Variants in ERC2 observed in about 807,000 individuals in gnomAD.
ERC2 encodes ERC protein 2.
Under a neutral mutation model 114.8 loss-of-function variants are expected in ERC2, and 42 were observed. That is an observed-to-expected ratio of 0.37 (90% confidence interval 0.29 to 0.47). The LOEUF (loss-of-function observed/expected upper bound fraction) is 0.47, where lower values mean the gene tolerates loss of function less well. Among genes scored for constraint, ERC2 ranks in the 20% least tolerant of loss-of-function variants. The pLI is 0.99. For missense variants in ERC2, 939 were observed against 1,150.7 expected (o/e 0.82, Z 2.66); for synonymous variants, 454 against 425.5 (o/e 1.07, Z -0.82).
At chr3:56,359,884 T>G (rs746996321) in intron 2 of ERC2, among the ~76,000 whole-genome samples, 1 of 152,020 alleles carries the variant, frequency 6.6e-6, no homozygotes, top group African/African-American at 2.4e-5. Context: ...CTCATTACTG[T>G]GAGGACAGCA....
intron 4 of ERC2, among the ~76,000 whole-genome samples, chr3:56,153,128 A>G (rs1310344848): frequency 6.6e-6 from 1 of 152,188 alleles, no homozygotes; most frequent in East Asian, 1.9e-4. Flanking sequence ...ATAGATTAAT[A>G]GTAAACTTAG....
At chr3:56,054,279 G>A (rs1431016289) in intron 7 of ERC2, among the ~76,000 whole-genome samples, 1 of 152,150 alleles carries the variant, frequency 6.6e-6, no homozygotes, top group African/African-American at 2.4e-5. Context: ...TGATGAATCT[G>A]CTTTGAATTG....
chr3:55,824,763 C>T (rs2060263024), intron 14 of ERC2, among the ~76,000 whole-genome samples: 1 of 152,138 alleles, frequency 6.6e-6, no homozygotes, highest in Non-Finnish European at 1.5e-5. Context: ...GCCTATATGT[C>T]ACTCAGATGC....
At chr3:55,952,025 G>T (rs2067555116) in intron 12 of ERC2, among the ~76,000 whole-genome samples, 3 of 151,122 alleles carry the variant, frequency 2.0e-5, no homozygotes, top group Non-Finnish European at 2.9e-5. Flanking sequence ...CAGTCCGAGG[G>T]TGCAGCGGCT....
intron 2 of ERC2, among the ~76,000 whole-genome samples, chr3:56,346,918 G>A (rs547552527): frequency 2.0e-4 from 31 of 152,206 alleles, no homozygotes; most frequent in African/African-American, 6.5e-4. Flanking sequence ...TTTTATAATC[G>A]GCATTAATCC....
intron 6 of ERC2, among the ~76,000 whole-genome samples, chr3:56,127,471 T>TAATCC (rs770724379): frequency 6.6e-6 from 1 of 152,186 alleles, no homozygotes; most frequent in Non-Finnish European, 1.5e-5. Context: ...CTCACACCTG[T>TAATCC]AATCCCAGCA....
At chr3:55,670,012 G>C (rs1388279737) in intron 17 of ERC2, among the ~76,000 whole-genome samples, 2 of 152,174 alleles carry the variant, frequency 1.3e-5, no homozygotes, top group Non-Finnish European at 2.9e-5. Flanking sequence ...AAACAACAAG[G>C]CTAGTATTTA....
chr3:55,695,272 C>A (rs183457242), intron 16 of ERC2, among the ~76,000 whole-genome samples: 11 of 152,342 alleles, frequency 7.2e-5, no homozygotes, highest in Admixed American at 6.5e-4. Flanking sequence ...CAGCTTGTGT[C>A]ATGGGAAATA....
chr3:56,262,531 T>C (rs938955191), intron 3 of ERC2, among the ~76,000 whole-genome samples: 3 of 152,218 alleles, frequency 2.0e-5, no homozygotes, highest in African/African-American at 7.2e-5. Context: ...AAGACAGTAG[T>C]GTAAAGGCCA....
intron 14 of ERC2, among the ~76,000 whole-genome samples, chr3:55,750,827 G>A (rs368232648): frequency 3.3e-5 from 5 of 152,206 alleles, no homozygotes; most frequent in Admixed American, 1.3e-4. Context: ...ACGCATGCCC[G>A]CATGCACACA....
In ERC2 at chr3:55,865,549, C is replaced by T. The variant is rs145618782; in HGVS notation, c.2564+22840G>A. ...TTCACAGAATTGTGAAAACATCACC[C>T]ACAATCAAATTTTAGGAATTTTTTT... is the stretch of plus-strand genomic sequence containing the variant. On this transcript the variant is annotated intron_variant, in intron 14 of 17. Transcript: ENST00000288221. Among the ~76,000 whole-genome samples, 44 of 152,180 alleles carry T rather than the reference C, an allele frequency of 2.9e-4. No homozygotes were observed. In the East Asian group the frequency reaches 8.1e-3, roughly 28 times the overall value.
At chr3:55,918,165 T>C (rs1395970492) in intron 13 of ERC2, among the ~76,000 whole-genome samples, 1 of 152,120 alleles carries the variant, frequency 6.6e-6, no homozygotes, top group East Asian at 1.9e-4. Context: ...GATAAGTTAC[T>C]TTCATTGACC....
chr3:55,908,704 C>T (rs1396063729), intron 13 of ERC2, among the ~76,000 whole-genome samples: 2 of 152,160 alleles, frequency 1.3e-5, no homozygotes, highest in African/African-American at 4.8e-5. Flanking sequence ...GCTTTAAGCC[C>T]TCTTCTAGCC....
intron 14 of ERC2, among the ~76,000 whole-genome samples, chr3:55,753,506 C>G (rs1011165947): frequency 3.5e-4 from 54 of 152,164 alleles, no homozygotes; most frequent in African/African-American, 1.3e-3. Flanking sequence ...AAAGCTGTGG[C>G]CCCCTGGGAC....
chr3:55,893,038 T>C (rs970506171), intron 13 of ERC2, among the ~76,000 whole-genome samples: 1 of 152,152 alleles, frequency 6.6e-6, no homozygotes, highest in South Asian at 2.1e-4. Flanking sequence ...ATGGAGTCTG[T>C]ATGTCCCCTT....
intron 2 of ERC2, among the ~76,000 whole-genome samples, chr3:56,331,331 T>G (rs751364609): frequency 6.6e-6 from 1 of 152,132 alleles, no homozygotes; most frequent in Non-Finnish European, 1.5e-5. Flanking sequence ...AGTCTCCTCA[T>G]AGTAATTTTC....
chr3:55,762,257 A>T (rs1040774004), intron 14 of ERC2, among the ~76,000 whole-genome samples: 7 of 152,144 alleles, frequency 4.6e-5, no homozygotes, highest in African/African-American at 9.7e-5. Context: ...TAATGTAAGG[A>T]TGGACTATTC....
In ERC2 at chr3:56,302,663, T is replaced by A. The variant is rs567561691; in HGVS notation, c.658-6228A>T. Among the ~76,000 whole-genome samples the A allele has an allele frequency of 3.3e-5, 5 of 152,304 alleles. No individual in the cohort carries two copies. In the South Asian group the frequency reaches 8.3e-4, roughly 25 times the overall value. ...TCCCAACTATGAAAACACACTTCTT[T>A]TAAGACAGTCACCCAAACTCCACTG... On this transcript the variant is annotated intron_variant, in intron 2 of 17. Transcript: ENST00000288221.
Position 55,713,096 on chromosome 3 carries a change from T to TTCTCTCTC in ERC2, c.2713-13592_2713-13585dup, listed in dbSNP as rs143906006. 1.1e-3 allele frequency among the ~76,000 whole-genome samples: 154 copies of TTCTCTCTC among 135,108 alleles called. 1 individual carries two copies. Among genetic ancestry groups the TTCTCTCTC allele is most frequent in the South Asian group, 5.5e-3 (23 of 4,172 alleles). The allele number at this position is 135,108 out of a possible 152,430, so 88.6% of individuals were successfully genotyped here. A position where few individuals can be genotyped will look rare whatever the true frequency, so the allele number is the denominator to read the frequency against. ...ATCCTGGTTGTTAGTTCCTCTGCCATTCTCTCTCTCTCTCTCTCTCTCTCT... is the reference window on the plus strand; with the variant it reads ...ATCCTGGTTGTTAGTTCCTCTGCCATTCTCTCTCTCTCTCTCTCTCTCTCTCTCTCTCT... On this transcript the variant is annotated intron_variant, in intron 15 of 17. Transcript: ENST00000288221.
Sources: gnomAD v4.1 joint callset for allele counts (sites outside exome capture counted in the v4.1 genomes callset) on GRCh38, gnomAD v4.1.1 for gene constraint, MANE v1.5 for transcripts, NCBI Gene and HGNC (gene_info 2026-07-23, HGNC 2026-07-21) for gene names.